Variants in MTDH observed in about 807,000 individuals in gnomAD.
The protein encoded by MTDH is metadherin, also known as protein LYRIC.
Under a neutral mutation model 72.7 loss-of-function variants are expected in MTDH, and 34 were observed. That is an observed-to-expected ratio of 0.47 (90% CI 0.36 to 0.62). The LOEUF (loss-of-function observed/expected upper bound fraction) is 0.62. MTDH is among the 20% of genes least tolerant of loss of function. The probability of loss-of-function intolerance (pLI) is 0.00; values close to 1 mark genes in which losing one functional copy is unlikely to be tolerated. For missense variants in MTDH, 677 were observed against 699.4 expected, an observed-to-expected ratio of 0.97 and a Z score of 0.36; for synonymous variants, 266 against 268.9, an observed-to-expected ratio of 0.99 and a Z score of 0.10.
At chr8:97,714,288 A>G (rs570838080) in intron 9 of MTDH, among the ~76,000 whole-genome samples, 34 of 152,242 alleles carry the variant, frequency 2.2e-4, no homozygotes, top group Non-Finnish European at 4.3e-4. Flanking sequence ...CTGGGGGAAA[A>G]AAAGTAAATT....
chr8:97,705,525 G>A lies in MTDH; in HGVS notation c.1148-1101G>A, dbSNP rs1024165472. On this transcript the variant is annotated intron_variant, in intron 7 of 11. Transcript: ENST00000336273. Reference sequence around the variant, plus strand: ...TGAGGCAGGAGAATCACTTGAACCTGGGAGGCAGAGGTTCCAGTTAGCTGA... The same window carrying A: ...TGAGGCAGGAGAATCACTTGAACCTAGGAGGCAGAGGTTCCAGTTAGCTGA... 3.3e-5 allele frequency among the ~76,000 whole-genome samples: 5 copies of A among 152,296 alleles called. No individual in the cohort carries two copies. In the South Asian group the frequency reaches 1.0e-3, roughly 32 times the overall value.
chr8:97,663,679 G>T (rs1812261310), intron 2 of MTDH, among the ~76,000 whole-genome samples: 1 of 140,264 alleles, frequency 7.1e-6, no homozygotes, highest in Non-Finnish European at 1.5e-5. Context: ...AATCCAGGAA[G>T]TGCAGCTTGC....
At chr8:97,681,349 ACAT>A (rs1356176583) in intron 2 of MTDH, among the ~76,000 whole-genome samples, 1 of 152,096 alleles carries the variant, frequency 6.6e-6, no homozygotes, top group Non-Finnish European at 1.5e-5. Context: ...TTTGTGGAAG[ACAT>A]CATATGTCAT....
chr8:97,661,223 C>T (rs753998492), intron 2 of MTDH, 50 bp downstream of exon 2: 5 of 1,304,608 alleles, frequency 3.8e-6, no homozygotes, highest in East Asian at 2.5e-5. Flanking sequence ...AATAGAATGA[C>T]ATATAAGGAT....
rs190299934 is a variant in MTDH at position 97,693,858 on chromosome 8, G to A, written c.1048+2670G>A. On this transcript the variant is annotated intron_variant, in intron 6 of 11. Transcript: ENST00000336273. The stretch of plus-strand genomic sequence containing the variant: ...AGCCTTCTTAGTAGCTGGGACCACA[G>A]GCATGTGCCACCACACCTGGCTAAT... Among the ~76,000 whole-genome samples, 473 of 152,086 alleles carry A rather than the reference G, an allele frequency of 3.1e-3. 3 individuals carry two copies. The highest frequency in any genetic ancestry group is 5.6e-3 in the Non-Finnish European group (381 of 67,978).
chr8:97,703,031 C>G (rs1814199735), intron 7 of MTDH, among the ~76,000 whole-genome samples: 1 of 152,162 alleles, frequency 6.6e-6, no homozygotes, highest in East Asian at 1.9e-4. Flanking sequence ...GGAACTATGT[C>G]TAAGAAGTTT....
intron 2 of MTDH, among the ~76,000 whole-genome samples, chr8:97,670,391 G>A (rs1812563885): frequency 2.0e-5 from 3 of 152,142 alleles, no homozygotes; most frequent in South Asian, 2.1e-4. Flanking sequence ...GGCTGAGGTG[G>A]ATGGATCATG....
intron 2 of MTDH, among the ~76,000 whole-genome samples, chr8:97,662,631 C>G (rs558350884): frequency 4.0e-5 from 6 of 151,458 alleles, no homozygotes; most frequent in Non-Finnish European, 7.4e-5. Flanking sequence ...ACTAAAAATA[C>G]AAAAATTAGC....
intron 6 of MTDH, among the ~76,000 whole-genome samples, chr8:97,692,751 A>T (rs761835701): frequency 6.6e-6 from 1 of 151,028 alleles, no homozygotes; most frequent in African/African-American, 2.4e-5. Context: ...GGTTTTTAAG[A>T]TGGGGTCTCT....
In MTDH at chr8:97,656,828, G is replaced by A. The variant is rs556575621; in HGVS notation, c.382-4244G>A. Among the ~76,000 whole-genome samples, 356 of 151,400 alleles carry A rather than the reference G, an allele frequency of 2.4e-3. 16 individuals carry two copies. The South Asian group carries it at 0.073, about 31-fold the overall frequency. On this transcript the variant is annotated intron_variant, in intron 1 of 11. Coordinates refer to ENST00000336273, the MANE Select transcript of MTDH (RefSeq NM_178812.4). Reference sequence around the variant, plus strand: ...CAGCCTGGGCAGCATAGCGGAACCCGCTCTCTACTAAAAATACAAAAATTA... The same window carrying A: ...CAGCCTGGGCAGCATAGCGGAACCCACTCTCTACTAAAAATACAAAAATTA...
intron 7 of MTDH, among the ~76,000 whole-genome samples, chr8:97,701,562 G>A (rs1330541048): frequency 6.6e-6 from 1 of 152,178 alleles, no homozygotes; most frequent in Non-Finnish European, 1.5e-5. Context: ...TTACAAGGAT[G>A]TGAAAGCACT....
At position 97,644,421 on chromosome 8, in the gene MTDH, C is replaced by A; in HGVS notation, c.-86C>A. 3 of 1,480,866 alleles carry A rather than the reference C, an allele frequency of 2.0e-6. No individual in the cohort carries two copies. Among genetic ancestry groups the A allele is most frequent in the Non-Finnish European group, 2.7e-6 (3 of 1,121,008 alleles). 91.7% of individuals were successfully genotyped at this position (1,480,866 alleles called of 1,614,324 possible). The stretch of plus-strand genomic sequence containing the variant: ...ATGCGCTCGGCCTGAGGTTACCCGG[C>A]CCGGCCCTTCCTCGCTTCCCTCGAC... On this transcript the variant is annotated 5_prime_UTR_variant, in exon 1 of 12. Transcript: ENST00000336273.
chr8:97,680,222 AC>A (rs1813015708), intron 2 of MTDH, among the ~76,000 whole-genome samples: 1 of 152,032 alleles, frequency 6.6e-6, no homozygotes, highest in Admixed American at 6.6e-5. Context: ...ACAGGTGTGC[AC>A]CACCATGCCC....
intron 6 of MTDH, among the ~76,000 whole-genome samples, chr8:97,692,000 C>T (rs2131012215): frequency 6.6e-6 from 1 of 152,238 alleles, no homozygotes; most frequent in Middle Eastern, 3.4e-3. Flanking sequence ...CTACCTCAGC[C>T]TCCCGAGTAG....
chr8:97,716,327 G>A (rs1167340544), intron 9 of MTDH, among the ~76,000 whole-genome samples: 1 of 151,888 alleles, frequency 6.6e-6, no homozygotes, highest in Non-Finnish European at 1.5e-5. Flanking sequence ...CGGAGGTTGC[G>A]GTGAGCCAAG....
Position 97,724,728 on chromosome 8 carries a change from G to C in MTDH, c.*58G>C. ...AAACACTTGTCTTGAAGATTATGCT[G>C]TTTATGCAATAATTTGTGAACATGT... On this transcript the variant is annotated 3_prime_UTR_variant, in exon 12 of 12. Coordinates refer to ENST00000336273, the MANE Select transcript of MTDH (RefSeq NM_178812.4). 7.6e-7 allele frequency: 1 copy of C among 1,317,754 alleles called. No individual in the cohort carries two copies. Among genetic ancestry groups the C allele is most frequent in the South Asian group, 1.4e-5 (1 of 71,720 alleles). 81.6% of individuals were successfully genotyped at this position (1,317,754 alleles called of 1,614,324 possible).
intron 7 of MTDH, among the ~76,000 whole-genome samples, chr8:97,704,482 G>A (rs1456679780): frequency 6.6e-6 from 1 of 152,004 alleles, no homozygotes; most frequent in Non-Finnish European, 1.5e-5. Context: ...GTGGCACATG[G>A]CTGTGGTCCC....
chr8:97,713,261 ATT>A (rs1814708304), intron 8 of MTDH, among the ~76,000 whole-genome samples: 1 of 151,690 alleles, frequency 6.6e-6, no homozygotes, highest in Admixed American at 6.6e-5. Context: ...ATTTTTTTGT[ATT>A]TTTAGTAGAG....
chr8:97,709,526 C>T (rs905144692), intron 8 of MTDH, among the ~76,000 whole-genome samples: 6 of 152,058 alleles, frequency 3.9e-5, no homozygotes, highest in Non-Finnish European at 7.4e-5. Flanking sequence ...TCAAAATGTT[C>T]ATCAGTTGGG....
Sources: allele counts gnomAD v4.1 joint callset (sites outside exome capture counted in the v4.1 genomes callset), GRCh38; gene constraint gnomAD v4.1.1; transcripts MANE v1.5; gene names NCBI Gene and HGNC (gene_info 2026-07-23, HGNC 2026-07-21).